Variants in NTMT1 observed in about 807,000 individuals in gnomAD.
NTMT1 encodes the protein N-terminal Xaa-Pro-Lys N-methyltransferase 1, also known as N-terminal RCC1 methyltransferase.
Under a neutral mutation model 17.5 loss-of-function variants are expected in NTMT1, and 8 were observed. The observed-to-expected ratio is 0.46, with a 90% confidence interval of 0.27 to 0.82. The LOEUF is 0.82. Ranked by LOEUF, NTMT1 falls within the 40% of genes least tolerant of loss-of-function variation. The pLI, the probability that NTMT1 is intolerant of heterozygous loss-of-function variation, is 0.15. For synonymous variants in NTMT1, 128 were observed against 126.8 expected, an observed-to-expected ratio of 1.01 and a Z score of -0.06; for missense variants, 221 against 303.5, an observed-to-expected ratio of 0.73 and a Z score of 2.02.
chr9:129,620,292 CCCG>C lies in NTMT1; in HGVS notation c.-55+11116_-55+11118del. On this transcript the variant is annotated intron_variant, in intron 1 of 3. Transcript: ENST00000372486. This position sits in a 1 kb window ranked among gnomAD's most constrained non-coding sequence, Gnocchi z 5.8. ...GGCGGCAGCAGGGACCGCAGCAGCC[CCCG>C]CTTCCGCACGGCCCGCCGGGTCGCG... is the stretch of plus-strand genomic sequence containing the variant. The C allele has an allele frequency of 7.9e-7, 1 of 1,261,492 alleles. No individual in the cohort carries two copies. Among genetic ancestry groups the C allele is most frequent in the Non-Finnish European group, 1.0e-6 (1 of 1,000,630 alleles). 78.1% of individuals were successfully genotyped at this position (1,261,492 alleles called of 1,614,324 possible). A position where few individuals can be genotyped will look rare whatever the true frequency, so the allele number is the denominator to read the frequency against.
At position 129,620,585 on chromosome 9, in the gene NTMT1, G is replaced by A. The variant is rs1162293379; in HGVS notation, c.-55+11407G>A. On this transcript the variant is annotated intron_variant, in intron 1 of 3. Transcript: ENST00000372486. This position sits in a 1 kb window ranked among gnomAD's most constrained non-coding sequence, Gnocchi z 5.8. ...TCGACGCCAGAACATGCTTGGCCCCGCACTCAGCTCACCGCACCCTCAGCG... is the reference window on the plus strand; with the variant it reads ...TCGACGCCAGAACATGCTTGGCCCCACACTCAGCTCACCGCACCCTCAGCG... The A allele has an allele frequency of 2.2e-6, 3 of 1,334,698 alleles. No homozygotes were observed. The highest frequency in any genetic ancestry group is 4.3e-5 in the South Asian group (2 of 46,764). The allele number at this position is 1,334,698 out of a possible 1,614,324, so 82.7% of individuals were successfully genotyped here.
At chr9:129,622,686 T>C (rs1277395547), upstream of NTMT1, among the ~76,000 whole-genome samples, 1 of 151,728 alleles carries the variant, frequency 6.6e-6, no homozygotes, top group Non-Finnish European at 1.5e-5. Flanking sequence ...CATGCTGACA[T>C]CTCCAACTCT....
intron 1 of NTMT1, among the ~76,000 whole-genome samples, chr9:129,627,469 T>TG (rs1830955789): frequency 6.6e-6 from 1 of 152,242 alleles, no homozygotes; most frequent in African/African-American, 2.4e-5. Flanking sequence ...AGAGAGAATA[T>TG]GTGCCCGGCA....
chr9:129,628,078 A>G lies in NTMT1; in HGVS notation c.-55+1783A>G, dbSNP rs745400518. ...TTTGTCTTCCTCTCTGAGCTAGCCT[A>G]GAGTGCACACAAAGCCCGTGTGCTC... On this transcript the variant is annotated intron_variant, in intron 1 of 3. Coordinates refer to ENST00000372483, the MANE Select transcript of NTMT1 (RefSeq NM_014064.4). 2.8e-4 allele frequency among the ~76,000 whole-genome samples: 42 copies of G among 152,222 alleles called. 1 individual carries two copies. Among genetic ancestry groups the G allele is most frequent in the Admixed American group, 7.2e-4 (11 of 15,286 alleles).
At chr9:129,616,475 C>G (rs1322425435) in intron 1 of NTMT1, among the ~76,000 whole-genome samples, 1 of 152,148 alleles carries the variant, frequency 6.6e-6, no homozygotes, top group Admixed American at 6.5e-5. Flanking sequence ...CTTCGCCTTC[C>G]TAAGTGCTGG....
chr9:129,624,881 G>A (rs1340938510), upstream of NTMT1, among the ~76,000 whole-genome samples: 1 of 152,186 alleles, frequency 6.6e-6, no homozygotes, highest in Non-Finnish European at 1.5e-5. Flanking sequence ...GCCTGCCTTG[G>A]CCTCCCAAAA....
intron 1 of NTMT1, among the ~76,000 whole-genome samples, chr9:129,610,483 G>A (rs1172764846): frequency 6.6e-6 from 1 of 152,048 alleles, no homozygotes; most frequent in African/African-American, 2.4e-5. Context: ...AGGGAAGTTG[G>A]GGGGCGGGGG....
upstream of NTMT1, among the ~76,000 whole-genome samples, chr9:129,624,816 C>T (rs762566824): frequency 1.3e-5 from 2 of 152,190 alleles, no homozygotes; most frequent in South Asian, 2.1e-4. Flanking sequence ...TTAGTAGAGA[C>T]GGGGTTTTGC....
chr9:129,630,041 G>A (rs372145613), intron 1 of NTMT1, among the ~76,000 whole-genome samples: 5 of 152,252 alleles, frequency 3.3e-5, no homozygotes, highest in Non-Finnish European at 7.3e-5. Flanking sequence ...GAAGAACCCC[G>A]TTGCATCTGT....
chr9:129,622,339 C>G (rs1830758886), upstream of NTMT1, among the ~76,000 whole-genome samples: 2 of 152,026 alleles, frequency 1.3e-5, no homozygotes, highest in African/African-American at 4.8e-5. Context: ...CAAAAAATAC[C>G]AAAATTTGCC....
At position 129,635,201 on chromosome 9, in the gene NTMT1, T is replaced by TC; in HGVS notation, c.416-3dup. 2 of 1,603,496 alleles carry TC rather than the reference T, an allele frequency of 1.2e-6. No individual in the cohort carries two copies. The highest frequency in any genetic ancestry group is 1.7e-6 in the Non-Finnish European group (2 of 1,177,378). On this transcript the variant is annotated splice_region_variant and splice_polypyrimidine_tract_variant and intron_variant, in intron 3 of 3. Transcript: ENST00000372483. ...TGCCCTGGTAACCTTGCCTCTGCCC[T>TC]CCCCAGGCCACCTCACCGATCAGCA...
chr9:129,635,477 A>T lies in NTMT1; in HGVS notation c.*13A>T. On this transcript the variant is annotated 3_prime_UTR_variant, in exon 4 of 4. Coordinates refer to ENST00000372483, the MANE Select transcript of NTMT1 (RefSeq NM_014064.4). ...TGCCCTGAGATGAGCCGGGGCTGGC[A>T]GGAGAAACTGAGGAACCACAGTCCT... is the stretch of plus-strand genomic sequence containing the variant. The T allele has an allele frequency of 6.3e-7, 1 of 1,599,838 alleles. No homozygotes were observed. The highest frequency in any genetic ancestry group is 8.5e-7 in the Non-Finnish European group (1 of 1,170,288).
In NTMT1 at chr9:129,635,425, C is replaced by A. The variant is rs151072869; in HGVS notation, c.633C>A (p.Pro211=). The change falls in exon 4 of 4, where the codon CCC becomes CCA. Residue 211 remains proline (P), a synonymous_variant. Transcript: ENST00000372483. ...LLAEERQENL[P]DEIYHVYSFA... is the part of the protein sequence containing the mutation. ...CCGAGGAGAGGCAGGAGAACCTCCCCGATGAGATCTACCATGTCTATAGCT... is the reference window on the plus strand; with the variant it reads ...CCGAGGAGAGGCAGGAGAACCTCCCAGATGAGATCTACCATGTCTATAGCT... The A allele has an allele frequency of 5.0e-6, 8 of 1,613,386 alleles. No individual in the cohort carries two copies. The South Asian group carries it at 8.8e-5, about 18-fold the overall frequency.
chr9:129,634,117 A>G lies in NTMT1; in HGVS notation c.226A>G (p.Thr76Ala). Residue 76 changes from threonine to alanine, a missense_variant, in exon 3 of 4, where the codon ACC (threonine) becomes GCC (alanine). Physicochemically the swap from Thr to Ala is moderately conservative, Grantham distance 58 (BLOSUM62 0). Transcript: ENST00000372483. ...LDCGAGIGRI[T>A]KRLLLPLFRE... Reference sequence around the variant, plus strand: ...CTGTGGAGCTGGCATTGGGAGGATCACCAAGCGGCTGCTCCTGCCGCTGTT... The same window carrying G: ...CTGTGGAGCTGGCATTGGGAGGATCGCCAAGCGGCTGCTCCTGCCGCTGTT... The G allele has an allele frequency of 6.2e-7, 1 of 1,614,116 alleles. No homozygotes were observed. Among genetic ancestry groups the G allele is most frequent in the South Asian group, 1.1e-5 (1 of 91,076 alleles).
At chr9:129,611,369 C>T (rs997832687) in intron 1 of NTMT1, among the ~76,000 whole-genome samples, 7 of 152,354 alleles carry the variant, frequency 4.6e-5, no homozygotes, top group South Asian at 2.1e-4. Flanking sequence ...CAGGGGCAAA[C>T]CTGGTGGGCA....
chr9:129,635,176 T>G, intron 3 of NTMT1, 32 bp from the exon 4 acceptor site: 1 of 1,591,108 alleles, frequency 6.3e-7, no homozygotes, highest in Non-Finnish European at 8.5e-7. Context: ...GCTTGCATGG[T>G]GCCCTGGTAA....
intron 1 of NTMT1, among the ~76,000 whole-genome samples, chr9:129,628,219 C>T (rs1384876953): frequency 6.6e-6 from 1 of 152,164 alleles, no homozygotes; most frequent in Non-Finnish European, 1.5e-5. Flanking sequence ...CTCTTAGGGA[C>T]CTCCTCCTGC....
Position 129,620,049 on chromosome 9 carries a change from G to A in NTMT1, c.-55+10871G>A, listed in dbSNP as rs1564338901. 2 of 1,452,394 alleles carry A rather than the reference G, an allele frequency of 1.4e-6. No individual in the cohort carries two copies. The highest frequency in any genetic ancestry group is 1.8e-6 in the Non-Finnish European group (2 of 1,100,402). 90.0% of individuals were successfully genotyped at this position (1,452,394 alleles called of 1,614,324 possible). ...GGAAATGACTCGGGCCCGCCCCCCGGGCCCCGCGGGGCCTCACTCAGTGGC... is the reference window on the plus strand; with the variant it reads ...GGAAATGACTCGGGCCCGCCCCCCGAGCCCCGCGGGGCCTCACTCAGTGGC... On this transcript the variant is annotated intron_variant, in intron 1 of 3. Coordinates refer to the NTMT1 transcript ENST00000372486. This position sits in a 1 kb window ranked among gnomAD's most constrained non-coding sequence, Gnocchi z 5.8.
chr9:129,613,001 G>T lies in NTMT1; in HGVS notation c.-55+3823G>T. On this transcript the variant is annotated intron_variant, in intron 1 of 3. Transcript: ENST00000372486. This position sits in a 1 kb window ranked among gnomAD's most constrained non-coding sequence, Gnocchi z 6.2. ...CACGGTGACTTGGCTCTCAGGGAGG[G>T]TCCACTCCCAGCCCCAGCCACTCCA... 1 of 1,444,186 alleles carries T rather than the reference G, an allele frequency of 6.9e-7. No individual in the cohort carries two copies. Among genetic ancestry groups the T allele is most frequent in the Non-Finnish European group, 9.4e-7 (1 of 1,061,428 alleles). The allele number at this position is 1,444,186 out of a possible 1,614,324, so 89.5% of individuals were successfully genotyped here.
Sources: gnomAD v4.1 joint callset for allele counts (sites outside exome capture counted in the v4.1 genomes callset) on GRCh38, gnomAD v4.1.1 for gene constraint, Gnocchi (gnomAD v3.1) non-coding constraint, MANE v1.5 for transcripts, NCBI Gene and HGNC (gene_info 2026-07-23, HGNC 2026-07-21) for gene names.